KAZN: variants seen among roughly 807,000 people sequenced by gnomAD.
KAZN encodes the protein kazrin.
In KAZN, 40 loss-of-function variants were observed where a neutral mutation model predicts 87.4. That is an observed-to-expected ratio of 0.46 (90% confidence interval 0.36 to 0.60). The LOEUF (loss-of-function observed/expected upper bound fraction) is 0.60, where lower values mean the gene tolerates loss of function less well. KAZN is among the 20% of genes least tolerant of loss of function. The pLI, the probability that KAZN is intolerant of heterozygous loss-of-function variation, is 0.00. For synonymous variants in KAZN, 466 were observed against 458.3 expected, an observed-to-expected ratio of 1.02 and a Z score of -0.22; for missense variants, 898 against 1,073.9, an observed-to-expected ratio of 0.84 and a Z score of 2.29.
chr1:14,199,903 G>C (rs1449985093), intron 2 of KAZN, among the ~76,000 whole-genome samples: 1 of 151,936 alleles, frequency 6.6e-6, no homozygotes, highest in Non-Finnish European at 1.5e-5. Flanking sequence ...TCTGCAAACT[G>C]TTTTCTACCT....
intron 2 of KAZN, among the ~76,000 whole-genome samples, chr1:14,356,987 A>G (rs2100965027): frequency 6.6e-6 from 1 of 152,198 alleles, no homozygotes; most frequent in African/African-American, 2.4e-5. Context: ...CTTGATAGGG[A>G]TAGCATTGAA....
intron 2 of KAZN, among the ~76,000 whole-genome samples, chr1:14,412,144 C>T (rs1297440950): frequency 1.3e-5 from 2 of 152,152 alleles, no homozygotes; most frequent in African/African-American, 4.8e-5. Context: ...AAAGACGTGA[C>T]AAACAGCAAG....
intron 8 of KAZN, among the ~76,000 whole-genome samples, chr1:15,092,884 A>G (rs1640618517): frequency 1.3e-5 from 2 of 151,166 alleles, no homozygotes; most frequent in Non-Finnish European, 2.9e-5. Context: ...AACGAACCAT[A>G]TATAGAAGAG....
chr1:14,905,177 G>C (rs61773602), intron 1 of KAZN, among the ~76,000 whole-genome samples: 15,906 of 152,220 alleles, frequency 0.1, 932 homozygotes, highest in Middle Eastern at 0.18. Context: ...TCCTGTCTCA[G>C]CCTCCTGAGT....
intron 1 of KAZN, among the ~76,000 whole-genome samples, chr1:14,957,592 T>A (rs1319474571): frequency 6.6e-6 from 1 of 152,194 alleles, no homozygotes; most frequent in East Asian, 1.9e-4. Flanking sequence ...GCCGTGCTGT[T>A]GACGCTGGAC....
At chr1:14,652,768 TC>T (rs571393746) in intron 1 of KAZN, among the ~76,000 whole-genome samples, 2 of 149,582 alleles carry the variant, frequency 1.3e-5, no homozygotes, top group South Asian at 4.3e-4. Context: ...CATCCACGCA[TC>T]CAGAAAACAT....
chr1:14,626,983 A>G (rs1679190231), intron 1 of KAZN, among the ~76,000 whole-genome samples: 2 of 151,916 alleles, frequency 1.3e-5, no homozygotes, highest in South Asian at 4.2e-4. Flanking sequence ...TTACCAGGAC[A>G]CTCGGTAAAT....
At chr1:15,069,360 T>C (rs1469084958) in intron 8 of KAZN, among the ~76,000 whole-genome samples, 1 of 152,238 alleles carries the variant, frequency 6.6e-6, no homozygotes, top group East Asian at 1.9e-4. Context: ...GCGGGACATA[T>C]GGCAAAAACT....
intron 2 of KAZN, among the ~76,000 whole-genome samples, chr1:14,574,914 A>C (rs193003457): frequency 3.9e-4 from 60 of 152,242 alleles, no homozygotes; most frequent in African/African-American, 9.1e-4. Flanking sequence ...TCAGAAAGGA[A>C]CTTGCTCTCC....
chr1:14,601,419 C>T (rs145382614), intron 1 of KAZN, among the ~76,000 whole-genome samples: 9 of 151,860 alleles, frequency 5.9e-5, no homozygotes, highest in African/African-American at 2.2e-4. Context: ...ATTATTTAGC[C>T]TCTGTAAGTT....
At chr1:14,411,975 G>A (rs1664344159) in intron 2 of KAZN, among the ~76,000 whole-genome samples, 1 of 152,312 alleles carries the variant, frequency 6.6e-6, no homozygotes, top group Admixed American at 6.5e-5. Context: ...ATTGCCCCCT[G>A]TACTTCTTCT....
At chr1:14,375,881 C>CCAT (rs1239945621) in intron 2 of KAZN, among the ~76,000 whole-genome samples, 1 of 107,906 alleles carries the variant, frequency 9.3e-6, no homozygotes, top group African/African-American at 3.6e-5. Context: ...GAACAAGACT[C>CCAT]CATCTCAAAA....
chr1:14,982,377 T>C lies in KAZN; in HGVS notation c.418+21502T>C, dbSNP rs114166233. The stretch of plus-strand genomic sequence containing the variant: ...GGGCATGGGACAGTGGTTCCCCACA[T>C]GTTCCCTCTGAACTGGGGCCGCTGT... On this transcript the variant is annotated intron_variant, in intron 2 of 14. Transcript: ENST00000376030. Among the ~76,000 whole-genome samples the C allele has an allele frequency of 3.0e-3, 453 of 151,180 alleles. 1 individual carries two copies. The highest frequency in any genetic ancestry group is 0.014 in the Middle Eastern group (4 of 290).
Position 14,949,528 on chromosome 1 carries a change from T to C in KAZN, c.227-11156T>C, listed in dbSNP as rs1363066293. Among the ~76,000 whole-genome samples, 1 of 152,148 alleles carries C rather than the reference T, an allele frequency of 6.6e-6. No homozygotes were observed. Among genetic ancestry groups the C allele is most frequent in the Non-Finnish European group, 1.5e-5 (1 of 68,034 alleles). ...CTGGTGGCAGGCAGGTGCCTGCCTCTCCCACCCCCACCCAGATGGTGTTTT... is the reference window on the plus strand; with the variant it reads ...CTGGTGGCAGGCAGGTGCCTGCCTCCCCCACCCCCACCCAGATGGTGTTTT... On this transcript the variant is annotated intron_variant, in intron 1 of 14. Transcript: ENST00000376030. The surrounding 1 kb of genome is among the most constrained non-coding windows in gnomAD (Gnocchi z 4.3).
chr1:13,894,160 TAA>T (rs1208343239), intron 1 of KAZN, among the ~76,000 whole-genome samples: 1 of 152,172 alleles, frequency 6.6e-6, no homozygotes, highest in Non-Finnish European at 1.5e-5. Flanking sequence ...TCTCTGCTCC[TAA>T]GAGTTATGTT....
At chr1:14,028,232 T>G (rs1342820423) in intron 1 of KAZN, among the ~76,000 whole-genome samples, 2 of 152,106 alleles carry the variant, frequency 1.3e-5, no homozygotes, top group African/African-American at 4.8e-5. Flanking sequence ...TGTTGCTGGC[T>G]CGTTTCTTCA....
chr1:14,074,271 G>GGCTCCCA (rs1215668150), intron 1 of KAZN, among the ~76,000 whole-genome samples: 3 of 152,096 alleles, frequency 2.0e-5, no homozygotes, highest in Non-Finnish European at 4.4e-5. Context: ...AGCCGTCTTT[G>GGCTCCCA]GCTCCCAGCC....
intron 2 of KAZN, among the ~76,000 whole-genome samples, chr1:14,545,850 T>A (rs1673107169): frequency 6.6e-6 from 1 of 152,118 alleles, no homozygotes; most frequent in Non-Finnish European, 1.5e-5. Context: ...CCAGAAGTTA[T>A]ACATGTTACT....
intron 1 of KAZN, among the ~76,000 whole-genome samples, chr1:14,118,448 C>T (rs563207876): frequency 6.6e-6 from 1 of 152,276 alleles, no homozygotes; most frequent in East Asian, 1.9e-4. Context: ...CAGCCTGCAT[C>T]CAACTCTTTT....
Sources: allele counts gnomAD v4.1 joint callset (sites outside exome capture counted in the v4.1 genomes callset), GRCh38; gene constraint gnomAD v4.1.1; non-coding constraint Gnocchi (gnomAD v3.1); transcripts MANE v1.5; gene names NCBI Gene and HGNC (gene_info 2026-07-23, HGNC 2026-07-21).